Variants in SYNPR observed in about 807,000 individuals in gnomAD.
SYNPR encodes synaptoporin.
In SYNPR, 23 loss-of-function variants were observed where a neutral mutation model predicts 32.9. The ratio of observed to expected loss-of-function variants is 0.70; its 90% CI spans 0.50 to 0.99. The LOEUF is 0.99. SYNPR is among the 50% of genes least tolerant of loss of function. The pLI is 0.00. For synonymous variants in SYNPR, 146 were observed against 135.9 expected, an observed-to-expected ratio of 1.07 and a Z score of -0.52; for missense variants, 318 against 349.3, an observed-to-expected ratio of 0.91 and a Z score of 0.71.
intron 2 of SYNPR, among the ~76,000 whole-genome samples, chr3:63,428,301 A>G (rs1419329502): frequency 1.3e-5 from 2 of 152,254 alleles, no homozygotes; most frequent in African/African-American, 2.4e-5. Context: ...ATTTGAAATC[A>G]TTCTTAGAAG....
chr3:63,256,682 G>A (rs143113614), intron 2 of SYNPR, among the ~76,000 whole-genome samples: 12 of 152,172 alleles, frequency 7.9e-5, no homozygotes, highest in African/African-American at 1.7e-4. Context: ...CCAAAGGAAC[G>A]CAGCTCCTCA....
intron 2 of SYNPR, among the ~76,000 whole-genome samples, chr3:63,352,138 G>A (rs1365272264): frequency 6.6e-6 from 1 of 152,164 alleles, no homozygotes; most frequent in Non-Finnish European, 1.5e-5. Context: ...TAAAGCTGGG[G>A]TGTGGTGTGC....
At position 63,451,384 on chromosome 3, in the gene SYNPR, A is replaced by C. The variant is rs150077297; in HGVS notation, c.85-29448A>C. Among the ~76,000 whole-genome samples the C allele has an allele frequency of 3.7e-3, 571 of 152,298 alleles. 2 individuals are homozygous for C. The highest frequency in any genetic ancestry group is 0.012 in the African/African-American group (511 of 41,558). On this transcript the variant is annotated intron_variant, in intron 2 of 5. Coordinates refer to ENST00000478300, the MANE Select transcript of SYNPR (RefSeq NM_001130003.2). ...TGGAAATGCTTTGCTGGGTGATTCC[A>C]TCTCAAGGGGAGATTTATGCCTTAT...
At chr3:63,388,318 C>T (rs952700128) in intron 2 of SYNPR, among the ~76,000 whole-genome samples, 3 of 151,358 alleles carry the variant, frequency 2.0e-5, no homozygotes, top group Non-Finnish European at 4.4e-5. Flanking sequence ...ATCCCCTATC[C>T]TGTGAATTAT....
rs758566955 is a variant in SYNPR, at chr3:63,441,771, CA to C, written c.85-39057del. 5.3e-5 allele frequency among the ~76,000 whole-genome samples: 8 copies of C among 152,230 alleles called. No individual in the cohort carries two copies. The South Asian group carries it at 1.7e-3, about 32-fold the overall frequency. ...CAGTTTGAAGAATTGGTAAGCACCC[CA>C]AAAGCTCAGGCATAGGCAACAAGCG... On this transcript the variant is annotated intron_variant, in intron 2 of 5. Coordinates refer to ENST00000478300, the MANE Select transcript of SYNPR (RefSeq NM_001130003.2).
chr3:63,547,006 C>A (rs1222473072), intron 3 of SYNPR, among the ~76,000 whole-genome samples: 2 of 152,116 alleles, frequency 1.3e-5, no homozygotes, highest in African/African-American at 4.8e-5. Context: ...TCTCTTGAGT[C>A]TGGCATATGG....
chr3:63,420,332 A>G (rs907617190), intron 2 of SYNPR, among the ~76,000 whole-genome samples: 2 of 152,214 alleles, frequency 1.3e-5, no homozygotes, highest in Non-Finnish European at 2.9e-5. Context: ...CAAGGATATT[A>G]TAATTAAAAC....
At chr3:63,492,852 T>C (rs79612801) in intron 3 of SYNPR, among the ~76,000 whole-genome samples, 6,155 of 152,136 alleles carry the variant, frequency 0.04, 149 homozygotes, top group South Asian at 0.099. Flanking sequence ...CTTACATCTG[T>C]TTTCTTTCCT....
chr3:63,341,560 A>C (rs2087371222), intron 2 of SYNPR, among the ~76,000 whole-genome samples: 1 of 152,194 alleles, frequency 6.6e-6, no homozygotes, highest in South Asian at 2.1e-4. Context: ...ATAGCTATGT[A>C]GTGGTATCTC....
At chr3:63,342,734 A>G (rs1376980993) in intron 2 of SYNPR, among the ~76,000 whole-genome samples, 1 of 152,184 alleles carries the variant, frequency 6.6e-6, no homozygotes, top group African/African-American at 2.4e-5. Context: ...TGATGAAACC[A>G]TCTGGGATTG....
rs192104612 is a variant in SYNPR, at chr3:63,311,964, C to T, written c.84+33222C>T. 3.4e-3 allele frequency among the ~76,000 whole-genome samples: 516 copies of T among 152,014 alleles called. 3 individuals are homozygous for T. The highest frequency in any genetic ancestry group is 0.012 in the African/African-American group (481 of 41,510). ...AAAACTTTAAAAAAGGAAATTCTGC[C>T]TTCTGAGCCTCACTTTCTTCATCTT... On this transcript the variant is annotated intron_variant, in intron 2 of 5. Transcript: ENST00000478300.
intron 3 of SYNPR, among the ~76,000 whole-genome samples, chr3:63,505,983 T>A (rs1160750330): frequency 6.6e-6 from 1 of 152,160 alleles, no homozygotes; most frequent in African/African-American, 2.4e-5. Flanking sequence ...AATAGCTCTG[T>A]CTGTTGTTCT....
At chr3:63,439,986 T>C (rs1420016337) in intron 2 of SYNPR, among the ~76,000 whole-genome samples, 1 of 152,202 alleles carries the variant, frequency 6.6e-6, no homozygotes, top group South Asian at 2.1e-4. Context: ...ACAAACAAGT[T>C]TCCTGCTTTT....
At chr3:63,492,455 G>C (rs1701272962) in intron 3 of SYNPR, among the ~76,000 whole-genome samples, 1 of 152,206 alleles carries the variant, frequency 6.6e-6, no homozygotes, top group Admixed American at 6.5e-5. Context: ...GGAGAACAGA[G>C]GGAAATGTAA....
At chr3:63,330,468 A>G (rs1170300193) in intron 2 of SYNPR, among the ~76,000 whole-genome samples, 2 of 151,810 alleles carry the variant, frequency 1.3e-5, no homozygotes, top group African/African-American at 2.4e-5. Context: ...TTATTTATAG[A>G]AAGAGTCTCA....
intron 2 of SYNPR, among the ~76,000 whole-genome samples, chr3:63,313,709 A>G (rs2086996350): frequency 1.1e-5 from 1 of 88,100 alleles, no homozygotes; most frequent in Non-Finnish European, 2.1e-5. Context: ...ATATCCATAT[A>G]TATATATCCA....
At chr3:63,302,733 T>C (rs1006697914) in intron 2 of SYNPR, among the ~76,000 whole-genome samples, 16 of 152,040 alleles carry the variant, frequency 1.1e-4, no homozygotes, top group African/African-American at 3.9e-4. Context: ...AAAATAATCT[T>C]TGTTTTCTTC....
At chr3:63,474,011 G>T (rs1332094994) in intron 2 of SYNPR, among the ~76,000 whole-genome samples, 1 of 152,144 alleles carries the variant, frequency 6.6e-6, no homozygotes, top group African/African-American at 2.4e-5. Flanking sequence ...AGTTTATTTG[G>T]GGAGCAATGA....
intron 2 of SYNPR, among the ~76,000 whole-genome samples, chr3:63,402,375 T>C (rs2088304270): frequency 6.6e-6 from 1 of 152,146 alleles, no homozygotes; most frequent in Admixed American, 6.5e-5. Context: ...TGAGAACCAC[T>C]GCTCTAAATG....
Sources: gnomAD v4.1 joint callset for allele counts (sites outside exome capture counted in the v4.1 genomes callset) on GRCh38, gnomAD v4.1.1 for gene constraint, MANE v1.5 for transcripts, NCBI Gene and HGNC (gene_info 2026-07-23, HGNC 2026-07-21) for gene names.